The following PAG1 variants were observed in gnomAD, a reference collection of about 807,000 sequenced individuals.
The protein encoded by PAG1 is phosphoprotein membrane anchor with glycosphingolipid microdomains 1.
PAG1 carries 23 observed loss-of-function variants against 31.7 expected under a neutral mutation model. The observed-to-expected ratio is 0.73, with a 90% CI of 0.52 to 1.03. PAG1 has a LOEUF of 1.03. Among genes scored for constraint, PAG1 ranks in the 50% least tolerant of loss-of-function variants. PAG1 has a pLI of 0.00. For missense variants in PAG1, 473 were observed against 540.7 expected (o/e 0.87, Z 1.24); for synonymous variants, 214 against 210.3 (o/e 1.02, Z -0.15).
intron 1 of PAG1, among the ~76,000 whole-genome samples, chr8:81,078,506 C>T (rs1164453903): frequency 6.6e-6 from 1 of 151,576 alleles, no homozygotes; most frequent in East Asian, 1.9e-4. Context: ...AGAGACACAT[C>T]TATGTTTCTT....
intron 3 of PAG1, among the ~76,000 whole-genome samples, chr8:81,003,423 C>T (rs1699407899): frequency 1.3e-5 from 2 of 152,194 alleles, no homozygotes; most frequent in Non-Finnish European, 2.9e-5. Flanking sequence ...CTTCAGTTTA[C>T]TCAAAGATTA....
At chr8:80,995,105 G>A (rs1315515689) in intron 3 of PAG1, among the ~76,000 whole-genome samples, 1 of 152,156 alleles carries the variant, frequency 6.6e-6, no homozygotes, top group South Asian at 2.1e-4. Flanking sequence ...TCATCTCCAG[G>A]TGAAACACTG....
rs953628331 is a variant in PAG1 at position 81,042,615 on chromosome 8, G to A, written c.-174-12526C>T. 5.3e-5 allele frequency among the ~76,000 whole-genome samples: 8 copies of A among 151,934 alleles called. No individual in the cohort carries two copies. In the South Asian group the frequency reaches 8.3e-4, roughly 16 times the overall value. On this transcript the variant is annotated intron_variant, in intron 2 of 8. Transcript: ENST00000220597. ...GTTCAGGCTAGTAGATTTGTATCAC[G>A]GGGTGGGTAGGTGTATGTGTGTGTA... is the stretch of plus-strand genomic sequence containing the variant.
chr8:81,050,977 T>C (rs75653394), intron 2 of PAG1, among the ~76,000 whole-genome samples: 13,549 of 152,308 alleles, frequency 0.089, 784 homozygotes, highest in East Asian at 0.22. Flanking sequence ...TATCACTCTC[T>C]TTCTCTACAG....
chr8:81,047,523 T>C (rs890263649), intron 2 of PAG1, among the ~76,000 whole-genome samples: 2 of 152,180 alleles, frequency 1.3e-5, no homozygotes, highest in South Asian at 4.1e-4. Context: ...GAGGAATGTA[T>C]ACAATAATCA....
intron 3 of PAG1, among the ~76,000 whole-genome samples, chr8:80,994,097 A>C (rs139259485): frequency 1.1e-3 from 169 of 150,620 alleles, no homozygotes; most frequent in African/African-American, 3.8e-3. Context: ...TGCCATCTCT[A>C]ATCTCCCTAA....
intron 2 of PAG1, among the ~76,000 whole-genome samples, chr8:81,068,302 A>G (rs1054897467): frequency 6.6e-6 from 1 of 152,216 alleles, no homozygotes; most frequent in Non-Finnish European, 1.5e-5. Flanking sequence ...GGGACAATTT[A>G]AAATTTTGAA....
At chr8:81,032,430 A>C (rs1440256711) in intron 2 of PAG1, among the ~76,000 whole-genome samples, 2 of 152,212 alleles carry the variant, frequency 1.3e-5, no homozygotes, top group African/African-American at 4.8e-5. Flanking sequence ...AAAGATACAC[A>C]AATAATCAAT....
intron 2 of PAG1, among the ~76,000 whole-genome samples, chr8:81,043,193 A>G (rs1808584322): frequency 6.6e-6 from 1 of 152,096 alleles, no homozygotes; most frequent in African/African-American, 2.4e-5. Flanking sequence ...CCACTGGTGA[A>G]GTCTCAAGTC....
At chr8:80,988,220 C>T (rs1048743625) in intron 5 of PAG1, among the ~76,000 whole-genome samples, 1 of 152,188 alleles carries the variant, frequency 6.6e-6, no homozygotes, top group African/African-American at 2.4e-5. Flanking sequence ...TGAAAAAGAC[C>T]ACAGCAGCCT....
In PAG1 at chr8:81,011,525, G is replaced by T. The variant is rs117513356; in HGVS notation, c.-80-18218C>A. 2.2e-3 allele frequency among the ~76,000 whole-genome samples: 331 copies of T among 152,246 alleles called. 5 individuals are homozygous for T. Among genetic ancestry groups the T allele is most frequent in the Admixed American group, 0.018 (277 of 15,292 alleles). ...TTTTTTTATAAGTGACCAGTCTCAGGTATGTCTTTATCAGCAGCATGAAAA... is the reference window on the plus strand; with the variant it reads ...TTTTTTTATAAGTGACCAGTCTCAGTTATGTCTTTATCAGCAGCATGAAAA... On this transcript the variant is annotated intron_variant, in intron 3 of 8. Transcript: ENST00000220597.
chr8:81,018,986 G>T (rs562729693), intron 3 of PAG1, among the ~76,000 whole-genome samples: 1 of 152,318 alleles, frequency 6.6e-6, no homozygotes, highest in Non-Finnish European at 1.5e-5. Context: ...TGATAAAAAT[G>T]CTGATAGTGA....
rs1343132199 is a variant in PAG1, at chr8:80,968,106, TCAAAA to T, written c.*8433_*8437del. ...CACAGAAGAGAAGTGGAAATATGCA[TCAAAA>T]CAAAACTTATTCTTAACATGACTAA... On this transcript the variant is annotated 3_prime_UTR_variant, in exon 9 of 9. Transcript: ENST00000220597. The T allele has an allele frequency of 2.6e-5, 4 of 152,206 alleles. No individual in the cohort carries two copies. The highest frequency in any genetic ancestry group is 7.2e-5 in the African/African-American group (3 of 41,458). 9.4% of individuals were successfully genotyped at this position (152,206 alleles called of 1,614,324 possible).
chr8:80,984,826 C>G lies in PAG1; in HGVS notation c.826G>C (p.Gly276Arg). 6.2e-7 allele frequency: 1 copy of G among 1,614,128 alleles called. No homozygotes were observed. The highest frequency in any genetic ancestry group is 8.5e-7 in the Non-Finnish European group (1 of 1,179,984). The change falls in exon 7 of 9, where the codon GGG becomes CGG. Residue 276 changes from glycine to arginine, a missense_variant. Transcript: ENST00000220597. ...GTGGCACTCTCTTCCGCCTCTCCCC[C>G]TTCCTTCTCCTGAAGGTTTTCATTC... ...DENENLQEKEGGEAEESATDT... is the reference protein window; with the variant it reads ...DENENLQEKERGEAEESATDT...
intron 1 of PAG1, among the ~76,000 whole-genome samples, chr8:81,101,452 C>T (rs931551312): frequency 6.6e-6 from 1 of 152,180 alleles, no homozygotes; most frequent in African/African-American, 2.4e-5. Context: ...CTTCTAACCT[C>T]AACACCAACA....
chr8:81,020,768 T>G (rs998809051), intron 3 of PAG1, among the ~76,000 whole-genome samples: 1 of 152,208 alleles, frequency 6.6e-6, no homozygotes, highest in Non-Finnish European at 1.5e-5. Flanking sequence ...AAATGATGGG[T>G]AATCTTATGT....
At chr8:81,088,683 A>G (rs1809399179) in intron 1 of PAG1, among the ~76,000 whole-genome samples, 1 of 152,224 alleles carries the variant, frequency 6.6e-6, no homozygotes, top group East Asian at 1.9e-4. Flanking sequence ...ACTAGCAAAC[A>G]AATATTTGAA....
intron 2 of PAG1, among the ~76,000 whole-genome samples, chr8:81,049,529 A>G (rs1808692997): frequency 6.6e-6 from 1 of 152,246 alleles, no homozygotes; most frequent in Non-Finnish European, 1.5e-5. Context: ...GCTAAGTCAA[A>G]TAATGTATGA....
At chr8:81,044,790 A>G (rs1808613062) in intron 2 of PAG1, among the ~76,000 whole-genome samples, 1 of 152,058 alleles carries the variant, frequency 6.6e-6, no homozygotes, top group Non-Finnish European at 1.5e-5. Flanking sequence ...TTCCTATGTC[A>G]GTGCATTTGA....
Sources: allele counts gnomAD v4.1 joint callset (sites outside exome capture counted in the v4.1 genomes callset), GRCh38; gene constraint gnomAD v4.1.1; transcripts MANE v1.5; gene names NCBI Gene and HGNC (gene_info 2026-07-23, HGNC 2026-07-21).